Variants in POU6F2 observed in about 807,000 individuals in gnomAD.
POU6F2 encodes POU class 6 homeobox 2, also known as POU domain, class 6, transcription factor 2.
A neutral mutation model predicts 71.3 loss-of-function variants in POU6F2; 31 were observed. That is an observed-to-expected ratio of 0.43 (90% confidence interval 0.33 to 0.59). POU6F2 has a LOEUF of 0.59. Among genes scored for constraint, POU6F2 ranks in the 20% least tolerant of loss-of-function variants. POU6F2 has a pLI of 0.04. For synonymous variants in POU6F2, 347 were observed against 355.7 expected, an observed-to-expected ratio of 0.98 and a Z score of 0.27; for missense variants, 783 against 856.8, an observed-to-expected ratio of 0.91 and a Z score of 1.07.
intron 4 of POU6F2, among the ~76,000 whole-genome samples, chr7:39,217,177 A>C (rs753901210): frequency 6.6e-6 from 1 of 152,150 alleles, no homozygotes; most frequent in African/African-American, 2.4e-5. Flanking sequence ...TAAAAAAGCA[A>C]CTCTCAACAC....
chr7:39,049,195 T>G (rs1452844803), intron 1 of POU6F2, among the ~76,000 whole-genome samples: 1 of 151,956 alleles, frequency 6.6e-6, no homozygotes, highest in Non-Finnish European at 1.5e-5. Flanking sequence ...TTCCTTGATG[T>G]TCATGTAAAT....
chr7:39,462,972 A>G (rs1271201931), intron 9 of POU6F2, among the ~76,000 whole-genome samples: 1 of 152,220 alleles, frequency 6.6e-6, no homozygotes, highest in Admixed American at 6.5e-5. Flanking sequence ...CTTACAAAAC[A>G]TATTCTGAGT....
chr7:39,391,948 G>A (rs989320123), intron 5 of POU6F2, among the ~76,000 whole-genome samples: 17 of 152,182 alleles, frequency 1.1e-4, no homozygotes, highest in African/African-American at 3.1e-4. Flanking sequence ...AGGTGTTCAC[G>A]TGCCTCTTGT....
intron 1 of POU6F2, among the ~76,000 whole-genome samples, chr7:39,034,662 G>A (rs1057334991): frequency 5.9e-5 from 9 of 152,132 alleles, no homozygotes; most frequent in Non-Finnish European, 1.5e-5. Context: ...ACACTGCTGG[G>A]TGTGAATCTT....
At chr7:39,033,006 A>G (rs1024143478) in intron 1 of POU6F2, among the ~76,000 whole-genome samples, 2 of 152,220 alleles carry the variant, frequency 1.3e-5, no homozygotes, top group African/African-American at 4.8e-5. Context: ...ACTCCCGTTC[A>G]GTGTCATCGA....
intron 2 of POU6F2, among the ~76,000 whole-genome samples, chr7:39,203,690 AC>A (rs1232283700): frequency 6.6e-6 from 1 of 152,186 alleles, no homozygotes; most frequent in Non-Finnish European, 1.5e-5. Context: ...AGCACCTGGG[AC>A]ACTTGCTTGG....
At chr7:39,336,937 T>C (rs543498316) in intron 4 of POU6F2, among the ~76,000 whole-genome samples, 2 of 152,336 alleles carry the variant, frequency 1.3e-5, no homozygotes, top group South Asian at 4.1e-4. Flanking sequence ...TAGAACACAT[T>C]TGTATTTTTC....
rs187578298 is a variant in POU6F2, at chr7:39,300,055, A to C, written c.599-39587A>C. On this transcript the variant is annotated intron_variant, in intron 4 of 9. Coordinates refer to ENST00000518318, the MANE Select transcript of POU6F2 (RefSeq NM_001370959.1). ...CCACATCTCTTCCCCTCCCAAAGGC[A>C]GGCCAAGCCCACGAGGACCCACCAT... 3.1e-3 allele frequency among the ~76,000 whole-genome samples: 475 copies of C among 152,308 alleles called. 6 individuals are homozygous for C. The highest frequency in any genetic ancestry group is 0.01 in the South Asian group (49 of 4,830).
At chr7:39,009,469 C>T (rs1295699934) in intron 1 of POU6F2, among the ~76,000 whole-genome samples, 1 of 152,196 alleles carries the variant, frequency 6.6e-6, no homozygotes, top group African/African-American at 2.4e-5. Flanking sequence ...CATCTGCAAA[C>T]AGGGACAATC....
chr7:39,410,731 C>T (rs1038640099), intron 6 of POU6F2, among the ~76,000 whole-genome samples: 2 of 151,994 alleles, frequency 1.3e-5, no homozygotes, highest in African/African-American at 4.8e-5. Context: ...CCTGAGTACA[C>T]AGGTATTCTC....
At chr7:39,215,152 C>G (rs1375543578) in intron 4 of POU6F2, among the ~76,000 whole-genome samples, 1 of 152,104 alleles carries the variant, frequency 6.6e-6, no homozygotes, top group Non-Finnish European at 1.5e-5. Context: ...CAAGACCAGC[C>G]TGGCCAACAT....
chr7:39,267,377 A>T (rs922708099), intron 4 of POU6F2, among the ~76,000 whole-genome samples: 44 of 152,152 alleles, frequency 2.9e-4, no homozygotes, highest in African/African-American at 8.9e-4. Context: ...TAATTCATTT[A>T]TGTATTCAAT....
chr7:39,187,603 T>A (rs184329531), intron 2 of POU6F2, among the ~76,000 whole-genome samples: 52 of 152,244 alleles, frequency 3.4e-4, no homozygotes, highest in African/African-American at 1.1e-3. Flanking sequence ...GCATTTTGGA[T>A]TTGAGAGCCG....
At chr7:39,436,371 T>G (rs1278447578) in intron 7 of POU6F2, among the ~76,000 whole-genome samples, 2 of 152,196 alleles carry the variant, frequency 1.3e-5, no homozygotes, top group Non-Finnish European at 2.9e-5. Flanking sequence ...AGGTATTTTA[T>G]TCTCTTTGTA....
intron 4 of POU6F2, among the ~76,000 whole-genome samples, chr7:39,281,490 T>G (rs1476854301): frequency 2.0e-5 from 3 of 152,060 alleles, no homozygotes; most frequent in Non-Finnish European, 2.9e-5. Context: ...GAACCACTAT[T>G]CTACTTTCTA....
chr7:39,062,745 G>A (rs550696618), intron 1 of POU6F2, among the ~76,000 whole-genome samples: 2 of 150,590 alleles, frequency 1.3e-5, no homozygotes, highest in Non-Finnish European at 3.0e-5. Flanking sequence ...AAGGGACAAA[G>A]AAAAAATATT....
intron 5 of POU6F2, among the ~76,000 whole-genome samples, chr7:39,396,950 TAACCTCA>T: frequency 6.7e-6 from 1 of 150,228 alleles, no homozygotes; most frequent in African/African-American, 2.4e-5. Flanking sequence ...AGCTCCCAAA[TAACCTCA>T]AACCAAGAGA....
intron 2 of POU6F2, among the ~76,000 whole-genome samples, chr7:39,172,836 G>T (rs909955425): frequency 6.6e-6 from 1 of 151,992 alleles, no homozygotes; most frequent in Non-Finnish European, 1.5e-5. Flanking sequence ...GCCCAGGCTG[G>T]TCTTGAACTC....
chr7:39,091,735 T>C (rs572323207), intron 2 of POU6F2, among the ~76,000 whole-genome samples: 1 of 152,342 alleles, frequency 6.6e-6, no homozygotes, highest in South Asian at 2.1e-4. Context: ...GCTTTCGCTC[T>C]TAATTACCTG....
Sources: gnomAD v4.1 joint callset for allele counts (sites outside exome capture counted in the v4.1 genomes callset) on GRCh38, gnomAD v4.1.1 for gene constraint, MANE v1.5 for transcripts, NCBI Gene and HGNC (gene_info 2026-07-23, HGNC 2026-07-21) for gene names.